Variants in MMP15 observed in about 807,000 individuals in gnomAD.
MMP15 encodes the protein matrix metalloproteinase-15.
MMP15 carries 36 observed loss-of-function variants against 65.0 expected under a neutral mutation model. That is an observed-to-expected ratio of 0.55 (90% CI 0.42 to 0.73). The LOEUF is 0.73. Among genes scored for constraint, MMP15 ranks in the 30% least tolerant of loss-of-function variants. The pLI is 0.00. For missense variants in MMP15, 870 were observed against 987.8 expected, an observed-to-expected ratio of 0.88 and a Z score of 1.60; for synonymous variants, 428 against 410.2, an observed-to-expected ratio of 1.04 and a Z score of -0.52.
chr16:58,046,628 G>A lies in MMP15; in HGVS notation c.*1182G>A, dbSNP rs1240487640. 6.5e-6 allele frequency: 1 copy of A among 152,734 alleles called. No homozygotes were observed. The highest frequency in any genetic ancestry group is 1.9e-4 in the East Asian group (1 of 5,198). 9.5% of individuals were successfully genotyped at this position (152,734 alleles called of 1,614,324 possible). A position where few individuals can be genotyped will look rare whatever the true frequency, so the allele number is the denominator to read the frequency against. On this transcript the variant is annotated 3_prime_UTR_variant, in exon 10 of 10. Coordinates refer to ENST00000219271, the MANE Select transcript of MMP15 (RefSeq NM_002428.4). Reference sequence around the variant, plus strand: ...GCAAGCAAGAGGCCGTGGCTGCTGTGGGAAATGGTACTGTACAGCTGGCTC... The same window carrying A: ...GCAAGCAAGAGGCCGTGGCTGCTGTAGGAAATGGTACTGTACAGCTGGCTC...
At chr16:58,027,455 G>C (rs1353574520) in intron 1 of MMP15, among the ~76,000 whole-genome samples, 1 of 152,234 alleles carries the variant, frequency 6.6e-6, no homozygotes, top group Non-Finnish European at 1.5e-5. Flanking sequence ...CCCTGCCCCA[G>C]ATAGGCGGGG....
Position 58,045,209 on chromosome 16 carries a change from G to C in MMP15, c.1773G>C (p.Glu591Asp), listed in dbSNP as rs1365956872. ...GGAEPGADSA[E>D]GDVGDGDGDF... is the part of the protein sequence containing the mutation. Reference sequence around the variant, plus strand: ...CAGAGCCCGGGGCGGACAGCGCAGAGGGCGACGTGGGGGATGGGGATGGGG... The same window carrying C: ...CAGAGCCCGGGGCGGACAGCGCAGACGGCGACGTGGGGGATGGGGATGGGG... Residue 591 changes from glutamate to aspartate, a missense_variant, in exon 10 of 10, where the codon GAG (glutamate) becomes GAC (aspartate). Coordinates refer to ENST00000219271, the MANE Select transcript of MMP15 (RefSeq NM_002428.4). 1 of 1,595,398 alleles carries C rather than the reference G, an allele frequency of 6.3e-7. No individual in the cohort carries two copies. The highest frequency in any genetic ancestry group is 1.3e-5 in the African/African-American group (1 of 74,846).
intron 6 of MMP15, 66 bp from the exon 7 acceptor site, chr16:58,042,165 A>C: frequency 1.3e-6 from 2 of 1,556,624 alleles, no homozygotes; most frequent in Non-Finnish European, 1.7e-6. Flanking sequence ...GGGTGGTTTG[A>C]GGATGGCACC....
intron 2 of MMP15, among the ~76,000 whole-genome samples, chr16:58,038,010 G>A (rs1959370757): frequency 6.6e-6 from 1 of 152,216 alleles, no homozygotes; most frequent in South Asian, 2.1e-4. Context: ...CAGGACAGAA[G>A]GCCTTGAGCG....
At chr16:58,035,604 C>T (rs41444053) in intron 1 of MMP15, among the ~76,000 whole-genome samples, 1 of 152,324 alleles carries the variant, frequency 6.6e-6, no homozygotes, top group East Asian at 1.9e-4. Flanking sequence ...GAGGCAGGTC[C>T]TGGTGCAATC....
rs777209483 is a variant in MMP15 at position 58,045,074 on chromosome 16, C to T, written c.1638C>T (p.Pro546=). ...ACAATGAGCGCCTGCGGATGGAGCC[C>T]GGCTACCCCAAGTCCATCCTGCGGG... is the stretch of plus-strand genomic sequence containing the variant. ...KFDNERLRME[P]GYPKSILRDF... is the part of the protein sequence containing the mutation. Residue 546 remains proline (P), a synonymous_variant, in exon 10 of 10, where the codon CCC becomes CCT. Transcript: ENST00000219271. 6.6e-5 allele frequency: 106 copies of T among 1,613,052 alleles called. No homozygotes were observed. Among genetic ancestry groups the T allele is most frequent in the African/African-American group, 1.1e-4 (8 of 74,936 alleles).
chr16:58,027,004 G>A (rs1963829379), intron 1 of MMP15, among the ~76,000 whole-genome samples: 1 of 152,252 alleles, frequency 6.6e-6, no homozygotes, highest in Admixed American at 6.5e-5. Flanking sequence ...TCCCGTCTGG[G>A]TGATACCGAG....
intron 1 of MMP15, among the ~76,000 whole-genome samples, chr16:58,029,087 A>G (rs1015813638): frequency 6.6e-6 from 1 of 152,196 alleles, no homozygotes; most frequent in Non-Finnish European, 1.5e-5. Flanking sequence ...CAGAGTTCAC[A>G]GGGGTGGTGC....
chr16:58,042,422 A>G (rs955309041), intron 7 of MMP15, 53 bp downstream of exon 7: 12 of 1,595,704 alleles, frequency 7.5e-6, no homozygotes, highest in Non-Finnish European at 1.0e-5. Flanking sequence ...ATGACCTCTG[A>G]CCCTGCTGGA....
chr16:58,031,853 C>CTTTTTTTTTTTTTTTTT, intron 1 of MMP15, among the ~76,000 whole-genome samples: 1 of 57,746 alleles, frequency 1.7e-5, no homozygotes, highest in Non-Finnish European at 2.9e-5. Context: ...TCGATGCCGC[C>CTTTTTTTTTTTTTTTTT]TTTTTTTTTT....
Position 58,041,830 on chromosome 16 carries a change from A to T in MMP15, c.1124A>T (p.Asp375Val). ...YGPNICDGDF[D>V]TVAMLRGEMF... ...CCCAACATCTGCGACGGGGACTTTG[A>T]CACAGTGGCCATGCTTCGCGGGGAG... Residue 375 changes from aspartate (D) to valine (V), a missense_variant, in exon 6 of 10, where the codon GAC becomes GTC. By Grantham distance (152) the Asp-to-Val change is radical. Transcript: ENST00000219271. 1 of 1,610,466 alleles carries T rather than the reference A, an allele frequency of 6.2e-7. No homozygotes were observed. The highest frequency in any genetic ancestry group is 8.5e-7 in the Non-Finnish European group (1 of 1,178,404).
intron 8 of MMP15, 35 bp downstream of exon 8, chr16:58,043,395 C>T: frequency 6.3e-7 from 1 of 1,594,990 alleles, no homozygotes; most frequent in Non-Finnish European, 8.5e-7. Flanking sequence ...GGGGAGAAGG[C>T]CCCATCTAGG....
intron 1 of MMP15, among the ~76,000 whole-genome samples, chr16:58,031,076 T>C (rs190498687): frequency 5.3e-4 from 81 of 152,306 alleles, no homozygotes; most frequent in African/African-American, 1.9e-3. Context: ...AATCCTTGTA[T>C]TAACTCTTCA....
chr16:58,039,544 T>C (rs941909419), intron 3 of MMP15, among the ~76,000 whole-genome samples: 1 of 152,220 alleles, frequency 6.6e-6, no homozygotes, highest in African/African-American at 2.4e-5. Flanking sequence ...GAGCTCAACA[T>C]TGAGAACTGC....
Position 58,026,349 on chromosome 16 carries a change from G to T in MMP15, c.-2G>T. 1 of 1,346,936 alleles carries T rather than the reference G, an allele frequency of 7.4e-7. No individual in the cohort carries two copies. The highest frequency in any genetic ancestry group is 9.5e-7 in the Non-Finnish European group (1 of 1,054,898). 83.4% of individuals were successfully genotyped at this position (1,346,936 alleles called of 1,614,324 possible). The stretch of plus-strand genomic sequence containing the variant: ...TTCCGAGCTGGGCTGGGCGCCGAGA[G>T]CATGGGCAGCGACCCGAGCGCGCCC... On this transcript the variant is annotated 5_prime_UTR_variant, in exon 1 of 10. Coordinates refer to ENST00000219271, the MANE Select transcript of MMP15 (RefSeq NM_002428.4).
At chr16:58,032,118 G>T (rs944785635) in intron 1 of MMP15, among the ~76,000 whole-genome samples, 1 of 152,122 alleles carries the variant, frequency 6.6e-6, no homozygotes, top group African/African-American at 2.4e-5. Context: ...GCCCGCCTCG[G>T]CCTCCCAAAG....
At chr16:58,044,944 T>G in intron 9 of MMP15, 63 bp from the exon 10 acceptor site, 1 of 1,578,646 alleles carries the variant, frequency 6.3e-7, no homozygotes, top group Non-Finnish European at 8.7e-7. Flanking sequence ...GTCCTGGCCT[T>G]TGATGGTTCT....
intron 1 of MMP15, among the ~76,000 whole-genome samples, chr16:58,031,363 G>A (rs972900995): frequency 6.6e-6 from 1 of 152,216 alleles, no homozygotes; most frequent in Admixed American, 6.5e-5. Context: ...GGCTGCCTGA[G>A]CTGTGTGAGC....
In MMP15 at chr16:58,045,730, A is replaced by G; in HGVS notation, c.*284A>G. On this transcript the variant is annotated 3_prime_UTR_variant, in exon 10 of 10. Transcript: ENST00000219271. ...CCCCATCATCCTCTGGCTTGGCCAC[A>G]GCCAGGGGAGCAGAGGGGCAGAGGC... 2.3e-6 allele frequency: 1 copy of G among 429,744 alleles called. No individual in the cohort carries two copies. The highest frequency in any genetic ancestry group is 4.1e-6 in the Non-Finnish European group (1 of 242,516). The allele number at this position is 429,744 out of a possible 1,614,324, so 26.6% of individuals were successfully genotyped here. A position where few individuals can be genotyped will look rare whatever the true frequency, so the allele number is the denominator to read the frequency against.
Sources: allele counts gnomAD v4.1 joint callset (sites outside exome capture counted in the v4.1 genomes callset), GRCh38; gene constraint gnomAD v4.1.1; transcripts MANE v1.5; gene names NCBI Gene and HGNC (gene_info 2026-07-23, HGNC 2026-07-21).